The following CNTNAP2 variants were observed in gnomAD, a reference collection of about 807,000 sequenced individuals.
CNTNAP2 encodes the protein contactin-associated protein-like 2.
A neutral mutation model predicts 155.2 loss-of-function variants in CNTNAP2; 98 were observed. The ratio of observed to expected loss-of-function variants is 0.63; its 90% CI spans 0.54 to 0.75. CNTNAP2 has a LOEUF of 0.75. Among genes scored for constraint, CNTNAP2 ranks in the 30% least tolerant of loss-of-function variants. The pLI, the probability that CNTNAP2 is intolerant of heterozygous loss-of-function variation, is 0.00. For synonymous variants in CNTNAP2, 651 were observed against 631.2 expected (o/e 1.03, Z -0.47); for missense variants, 1,727 against 1,688.1 (o/e 1.02, Z -0.40).
At chr7:146,759,151 A>G (rs1802042324) in intron 1 of CNTNAP2, among the ~76,000 whole-genome samples, 1 of 152,168 alleles carries the variant, frequency 6.6e-6, no homozygotes, top group Non-Finnish European at 1.5e-5. Context: ...TATCAATACT[A>G]TATGTCAAGG....
intron 18 of CNTNAP2, among the ~76,000 whole-genome samples, chr7:148,182,469 G>A (rs1340511854): frequency 6.6e-6 from 1 of 152,112 alleles, no homozygotes; most frequent in Non-Finnish European, 1.5e-5. Flanking sequence ...ACAACCATTT[G>A]CGCGCTTATC....
chr7:146,903,627 C>T (rs1335027921), intron 3 of CNTNAP2, among the ~76,000 whole-genome samples: 1 of 152,156 alleles, frequency 6.6e-6, no homozygotes, highest in Non-Finnish European at 1.5e-5. Context: ...CCTCCTGTTG[C>T]AATCTCCTTT....
intron 22 of CNTNAP2, among the ~76,000 whole-genome samples, chr7:148,385,708 T>TA (rs1043312559): frequency 4.6e-5 from 7 of 151,684 alleles, no homozygotes; most frequent in South Asian, 2.1e-4. Context: ...TCCTTTACTT[T>TA]AAAAAAATCA....
intron 21 of CNTNAP2, among the ~76,000 whole-genome samples, chr7:148,309,626 C>T (rs962888019): frequency 1.3e-5 from 2 of 151,880 alleles, no homozygotes; most frequent in African/African-American, 4.8e-5. Flanking sequence ...TCACAGGGTG[C>T]TCAGTAGGGG....
At chr7:147,448,328 A>T in intron 10 of CNTNAP2, among the ~76,000 whole-genome samples, 1 of 151,964 alleles carries the variant, frequency 6.6e-6, no homozygotes, top group East Asian at 1.9e-4. Flanking sequence ...ATTTATAACT[A>T]GAGAGATTTT....
chr7:147,217,360 T>C (rs370668925), intron 8 of CNTNAP2, among the ~76,000 whole-genome samples: 1 of 151,934 alleles, frequency 6.6e-6, no homozygotes, highest in African/African-American at 2.4e-5. Flanking sequence ...TTATCATAAA[T>C]GGGTGATAGA....
rs190337866 is a variant in CNTNAP2 at position 146,933,315 on chromosome 7, C to T, written c.402+93411C>T. ...TACAACTATCTGATCTTTGACAAAC[C>T]GGAGAAAAACAGGCAATGGGGAAAG... On this transcript the variant is annotated intron_variant, in intron 3 of 23. Coordinates refer to ENST00000361727, the MANE Select transcript of CNTNAP2 (RefSeq NM_014141.6). 5.1e-3 allele frequency among the ~76,000 whole-genome samples: 768 copies of T among 152,010 alleles called. 1 individual carries two copies. Among genetic ancestry groups the T allele is most frequent in the Admixed American group, 7.3e-3 (111 of 15,266 alleles).
chr7:147,619,078 T>C (rs1801346152), intron 12 of CNTNAP2, among the ~76,000 whole-genome samples: 1 of 152,146 alleles, frequency 6.6e-6, no homozygotes, highest in Admixed American at 6.5e-5. Flanking sequence ...ACAAAATAAA[T>C]TGTGACAATT....
chr7:147,877,877 T>C (rs1799449056), intron 13 of CNTNAP2, among the ~76,000 whole-genome samples: 1 of 152,216 alleles, frequency 6.6e-6, no homozygotes, highest in Non-Finnish European at 1.5e-5. Context: ...TCATTTAAAT[T>C]GGCAGACACC....
At chr7:147,452,735 C>T (rs911231861) in intron 10 of CNTNAP2, among the ~76,000 whole-genome samples, 2 of 151,954 alleles carry the variant, frequency 1.3e-5, no homozygotes, top group African/African-American at 4.8e-5. Flanking sequence ...ATTGATATTG[C>T]TAGATTATGG....
At chr7:147,422,155 T>C (rs1342198639) in intron 10 of CNTNAP2, among the ~76,000 whole-genome samples, 1 of 148,250 alleles carries the variant, frequency 6.7e-6, no homozygotes, top group Non-Finnish European at 1.5e-5. Flanking sequence ...AGTATGTATA[T>C]ATACAGTATA....
chr7:147,162,647 G>A (rs1337315159), intron 8 of CNTNAP2, among the ~76,000 whole-genome samples: 2 of 152,222 alleles, frequency 1.3e-5, no homozygotes, highest in Admixed American at 6.5e-5. Flanking sequence ...TAGCATGTTA[G>A]GTTTGGGAGC....
At chr7:147,801,153 G>A (rs1797975992) in intron 13 of CNTNAP2, among the ~76,000 whole-genome samples, 1 of 152,052 alleles carries the variant, frequency 6.6e-6, no homozygotes. Context: ...TTACAAATTG[G>A]GAGAACTAAG....
chr7:147,385,552 G>A (rs1796610192), intron 9 of CNTNAP2, among the ~76,000 whole-genome samples: 1 of 152,216 alleles, frequency 6.6e-6, no homozygotes, highest in Admixed American at 6.5e-5. Flanking sequence ...CCAAAATCCA[G>A]CAAGGCAGTC....
rs145859292 is a variant in CNTNAP2, at chr7:146,862,607, T to A, written c.402+22703T>A. 2.3e-3 allele frequency among the ~76,000 whole-genome samples: 344 copies of A among 152,338 alleles called. 1 individual carries two copies. Among genetic ancestry groups the A allele is most frequent in the Middle Eastern group, 0.01 (3 of 294 alleles). Reference sequence around the variant, plus strand: ...GAATGTGTACCCTGGGGGAAAGGCATAATGTTACTTGGCTGTCTATCAAAG... The same window carrying A: ...GAATGTGTACCCTGGGGGAAAGGCAAAATGTTACTTGGCTGTCTATCAAAG... On this transcript the variant is annotated intron_variant, in intron 3 of 23. Transcript: ENST00000361727.
intron 12 of CNTNAP2, among the ~76,000 whole-genome samples, chr7:147,584,117 G>T (rs1252285843): frequency 6.6e-6 from 1 of 152,180 alleles, no homozygotes; most frequent in African/African-American, 2.4e-5. Context: ...TGAAAGAGAA[G>T]AAATTTGGGG....
At chr7:147,140,986 A>C (rs1801580768) in intron 8 of CNTNAP2, among the ~76,000 whole-genome samples, 2 of 152,106 alleles carry the variant, frequency 1.3e-5, no homozygotes, top group Non-Finnish European at 2.9e-5. Context: ...TTATGATGAC[A>C]ACTGTGATAA....
At chr7:146,853,389 A>G (rs1457260290) in intron 3 of CNTNAP2, among the ~76,000 whole-genome samples, 2 of 152,088 alleles carry the variant, frequency 1.3e-5, no homozygotes, top group Admixed American at 1.3e-4. Flanking sequence ...ACACAGGCAC[A>G]TGTACACACA....
chr7:147,354,858 T>A (rs1466164969), intron 9 of CNTNAP2, among the ~76,000 whole-genome samples: 3 of 152,136 alleles, frequency 2.0e-5, no homozygotes, highest in Non-Finnish European at 4.4e-5. Context: ...TCACATCCCA[T>A]GTAAGTTGTA....
Sources: allele counts gnomAD v4.1 joint callset (sites outside exome capture counted in the v4.1 genomes callset), GRCh38; gene constraint gnomAD v4.1.1; transcripts MANE v1.5; gene names NCBI Gene and HGNC (gene_info 2026-07-23, HGNC 2026-07-21).